The following RARB variants were observed in gnomAD, a reference collection of about 807,000 sequenced individuals.
The protein encoded by RARB is retinoic acid receptor beta.
Under a neutral mutation model 51.9 loss-of-function variants are expected in RARB, and 17 were observed. That is an observed-to-expected ratio of 0.33 (90% CI 0.22 to 0.49). RARB has a LOEUF of 0.49. RARB is among the 20% of genes least tolerant of loss of function. RARB has a pLI of 0.99. For missense variants in RARB, 369 were observed against 550.8 expected, an observed-to-expected ratio of 0.67 and a Z score of 3.30; for synonymous variants, 215 against 195.4, an observed-to-expected ratio of 1.10 and a Z score of -0.84.
intron 3 of RARB, among the ~76,000 whole-genome samples, chr3:25,060,583 A>T (rs1698528549): frequency 6.6e-6 from 1 of 151,902 alleles, no homozygotes; most frequent in Admixed American, 6.6e-5. Context: ...TTCCAATAAA[A>T]TGAGATTTAT....
At chr3:25,207,343 A>G (rs1429107329) in intron 5 of RARB, among the ~76,000 whole-genome samples, 1 of 152,208 alleles carries the variant, frequency 6.6e-6, no homozygotes, top group Admixed American at 6.5e-5. Context: ...CAATGACATT[A>G]TCTTAACAAT....
intron 5 of RARB, among the ~76,000 whole-genome samples, chr3:25,414,773 T>A (rs1707656058): frequency 6.6e-6 from 1 of 152,244 alleles, no homozygotes; most frequent in Admixed American, 6.5e-5. Context: ...GGAAGAAGGG[T>A]GCTTGCTTTG....
Position 25,219,419 on chromosome 3 carries a change from G to A in RARB, c.178+44844G>A, listed in dbSNP as rs189104573. Reference sequence around the variant, plus strand: ...CTACGTAATGGCTCTGAGTTCCTGCGCTTGAACCACTTTGAGTGTTTCCTA... The same window carrying A: ...CTACGTAATGGCTCTGAGTTCCTGCACTTGAACCACTTTGAGTGTTTCCTA... On this transcript the variant is annotated intron_variant, in intron 5 of 11. Transcript: ENST00000383772. Among the ~76,000 whole-genome samples the A allele has an allele frequency of 1.2e-3, 190 of 152,262 alleles. 1 individual carries two copies. Among genetic ancestry groups the A allele is most frequent in the Non-Finnish European group, 2.2e-3 (152 of 68,010 alleles).
chr3:25,370,053 T>A (rs1706251920), intron 5 of RARB, among the ~76,000 whole-genome samples: 1 of 152,166 alleles, frequency 6.6e-6, no homozygotes, highest in Admixed American at 6.5e-5. Context: ...ACACACCCTA[T>A]GTATACATTT....
chr3:25,389,355 T>G (rs1243486615), intron 5 of RARB, among the ~76,000 whole-genome samples: 1 of 152,170 alleles, frequency 6.6e-6, no homozygotes, highest in Non-Finnish European at 1.5e-5. Context: ...TTTTGTCACA[T>G]GTTTCTTCCC....
intron 2 of RARB, among the ~76,000 whole-genome samples, chr3:24,986,569 C>T (rs903950753): frequency 7.2e-5 from 11 of 152,078 alleles, no homozygotes; most frequent in South Asian, 2.1e-4. Context: ...AATGTTGTGT[C>T]GCTGAAATTT....
chr3:25,118,617 C>T (rs966392983), intron 3 of RARB, among the ~76,000 whole-genome samples: 6 of 152,046 alleles, frequency 3.9e-5, no homozygotes, highest in Admixed American at 1.3e-4. Context: ...AGGATAGCTG[C>T]TCTGTTTTGT....
chr3:25,197,346 T>C (rs963158533), intron 5 of RARB, among the ~76,000 whole-genome samples: 12 of 152,178 alleles, frequency 7.9e-5, no homozygotes, highest in African/African-American at 2.7e-4. Context: ...TTCTTGTTTT[T>C]GTCAGGTTTG....
rs781397811 is a variant in RARB at position 25,501,274 on chromosome 3, C to T, written c.399C>T (p.Cys133=). The change falls in exon 3 of 8, where the codon TGC becomes TGT. Residue 133 remains cysteine, a synonymous_variant. Coordinates refer to ENST00000330688, the MANE Select transcript of RARB (RefSeq NM_000965.5). ...TTAATAAAGTCACCAGGAATCGATG[C>T]CAATACTGTCGACTCCAGAAGTGCT... ...CVINKVTRNR[C]QYCRLQKCFE... 7 of 1,609,868 alleles carry T rather than the reference C, an allele frequency of 4.3e-6. No individual in the cohort carries two copies. Among genetic ancestry groups the T allele is most frequent in the East Asian group, 2.2e-5 (1 of 44,490 alleles).
At chr3:25,210,890 A>G (rs1008503456) in intron 5 of RARB, among the ~76,000 whole-genome samples, 5 of 151,976 alleles carry the variant, frequency 3.3e-5, no homozygotes, top group Non-Finnish European at 5.9e-5. Context: ...GACCTACCAC[A>G]TAAAAGTCCA....
chr3:24,949,860 G>A (rs1575086799), intron 2 of RARB, among the ~76,000 whole-genome samples: 2 of 152,010 alleles, frequency 1.3e-5, no homozygotes, highest in African/African-American at 2.4e-5. Context: ...TCCAATATCC[G>A]GCAACTGGGT....
intron 2 of RARB, among the ~76,000 whole-genome samples, chr3:25,044,557 G>A (rs1698176686): frequency 6.6e-6 from 1 of 152,120 alleles, no homozygotes; most frequent in Non-Finnish European, 1.5e-5. Flanking sequence ...GGTGTTCAAG[G>A]TTCCATGTGC....
intron 5 of RARB, among the ~76,000 whole-genome samples, chr3:25,199,383 T>C (rs947059540): frequency 1.3e-4 from 20 of 152,064 alleles, no homozygotes; most frequent in African/African-American, 4.8e-4. Context: ...AGATCTAATA[T>C]TTGACAGCAA....
At chr3:25,572,334 C>T (rs555096913) in intron 4 of RARB, among the ~76,000 whole-genome samples, 1 of 152,278 alleles carries the variant, frequency 6.6e-6, no homozygotes, top group East Asian at 1.9e-4. Flanking sequence ...ATTTATTGAG[C>T]ATTTACTATG....
In RARB at chr3:24,985,253, A is replaced by G. The variant is rs1237022025; in HGVS notation, c.-379-74872A>G. 2.0e-5 allele frequency among the ~76,000 whole-genome samples: 3 copies of G among 152,256 alleles called. No homozygotes were observed. The East Asian group carries it at 5.8e-4, about 29-fold the overall frequency. On this transcript the variant is annotated intron_variant, in intron 2 of 11. Coordinates refer to the RARB transcript ENST00000383772. Reference sequence around the variant, plus strand: ...TCCTCACCATGAAATGGAATGGGGCATTGAGATTGCACGCCAACATCTTGA... The same window carrying G: ...TCCTCACCATGAAATGGAATGGGGCGTTGAGATTGCACGCCAACATCTTGA...
intron 2 of RARB, among the ~76,000 whole-genome samples, chr3:24,895,786 T>C (rs781308069): frequency 6.6e-6 from 1 of 152,122 alleles, no homozygotes; most frequent in Non-Finnish European, 1.5e-5. Context: ...TACAAAATGG[T>C]GCATTTGTGG....
At chr3:25,493,260 C>G (rs1307741680) in intron 2 of RARB, among the ~76,000 whole-genome samples, 1 of 152,178 alleles carries the variant, frequency 6.6e-6, no homozygotes. Flanking sequence ...AAGGTCTTCA[C>G]TTTTCTCTTT....
rs7619053 is a variant in RARB, at chr3:24,865,509, G to A, written c.-380+6757G>A. 3.9e-3 allele frequency among the ~76,000 whole-genome samples: 601 copies of A among 152,206 alleles called. 5 individuals are homozygous for A. The highest frequency in any genetic ancestry group is 0.014 in the African/African-American group (569 of 41,526). On this transcript the variant is annotated intron_variant, in intron 2 of 11. Transcript: ENST00000383772. Reference sequence around the variant, plus strand: ...ACTTCAATAACAATGTCATGTAACAGGAAGGCTGTGAAATCAGAATTCGAA... The same window carrying A: ...ACTTCAATAACAATGTCATGTAACAAGAAGGCTGTGAAATCAGAATTCGAA...
At chr3:24,995,713 A>T (rs543096427) in intron 2 of RARB, among the ~76,000 whole-genome samples, 1 of 152,094 alleles carries the variant, frequency 6.6e-6, no homozygotes, top group Admixed American at 6.6e-5. Flanking sequence ...TTCTACATCT[A>T]TTGAGATGAT....
Sources: gnomAD v4.1 joint callset for allele counts (sites outside exome capture counted in the v4.1 genomes callset) on GRCh38, gnomAD v4.1.1 for gene constraint, MANE v1.5 for transcripts, NCBI Gene and HGNC (gene_info 2026-07-23, HGNC 2026-07-21) for gene names.